FAM210A: variants seen among roughly 807,000 people sequenced by gnomAD.
The protein encoded by FAM210A is family with sequence similarity 210 member A.
A neutral mutation model predicts 25.3 loss-of-function variants in FAM210A; 13 were observed. The observed-to-expected ratio is 0.51, with a 90% CI of 0.33 to 0.82. FAM210A has a LOEUF of 0.82. FAM210A is among the 40% of genes least tolerant of loss of function. FAM210A has a pLI of 0.02. For missense variants in FAM210A, 319 were observed against 323.2 expected, an observed-to-expected ratio of 0.99 and a Z score of 0.10; for synonymous variants, 125 against 118.7, an observed-to-expected ratio of 1.05 and a Z score of -0.35.
chr18:13,722,974 G>A (rs1200754829), intron 1 of FAM210A, among the ~76,000 whole-genome samples: 1 of 152,016 alleles, frequency 6.6e-6, no homozygotes, highest in Non-Finnish European at 1.5e-5. Flanking sequence ...CTCCTGAGTA[G>A]CTGGGATCAT....
intron 2 of FAM210A, among the ~76,000 whole-genome samples, chr18:13,678,512 A>G (rs1400694188): frequency 6.6e-6 from 1 of 151,640 alleles, no homozygotes; most frequent in East Asian, 1.9e-4. Context: ...CTGGTCTCGA[A>G]CTCCTGACCT....
intron 1 of FAM210A, among the ~76,000 whole-genome samples, chr18:13,700,333 C>T (rs947193543): frequency 1.3e-5 from 2 of 152,228 alleles, no homozygotes; most frequent in Non-Finnish European, 2.9e-5. Flanking sequence ...TGCACTGGTG[C>T]ACTCTGGCCC....
chr18:13,713,753 C>CACACACACACA (rs1555791553), intron 1 of FAM210A, among the ~76,000 whole-genome samples: 1 of 151,734 alleles, frequency 6.6e-6, no homozygotes, highest in African/African-American at 2.4e-5. Flanking sequence ...CACACACACA[C>CACACACACACA]GTTTAGAGAC....
rs116207341 is a variant in FAM210A at position 13,668,594 on chromosome 18, C to T, written c.586-1881G>A. ...GCAGGTGAGTCACTTAATGGGGATA[C>T]GGTCTGAGAAATGTGTCATTAGGTG... On this transcript the variant is annotated intron_variant, in intron 3 of 3. Transcript: ENST00000651643. 3.9e-3 allele frequency among the ~76,000 whole-genome samples: 592 copies of T among 152,270 alleles called. 3 individuals carry two copies. Among genetic ancestry groups the T allele is most frequent in the African/African-American group, 0.013 (522 of 41,536 alleles).
At chr18:13,715,979 A>G (rs919860663) in intron 1 of FAM210A, among the ~76,000 whole-genome samples, 2 of 152,198 alleles carry the variant, frequency 1.3e-5, no homozygotes, top group Non-Finnish European at 2.9e-5. Context: ...AAAATGTTCT[A>G]TATCTGTGCT....
intron 1 of FAM210A, chr18:13,697,752 C>T (rs2043706339): frequency 6.6e-6 from 1 of 151,936 alleles, no homozygotes; most frequent in African/African-American, 2.4e-5. Context: ...ACTTATGCCC[C>T]CAAAAAACTG....
chr18:13,691,960 A>C (rs1448446027), intron 1 of FAM210A, among the ~76,000 whole-genome samples: 2 of 121,736 alleles, frequency 1.6e-5, no homozygotes, highest in Admixed American at 9.0e-5. Flanking sequence ...AGACTGGCAA[A>C]TTGGATAAAG....
chr18:13,673,729 C>T lies in FAM210A; in HGVS notation c.474-1756G>A, dbSNP rs113372644. On this transcript the variant is annotated intron_variant, in intron 2 of 3. Coordinates refer to ENST00000651643, the MANE Select transcript of FAM210A (RefSeq NM_152352.4). ...TTCCTGATTATTAACATTCCTGAGC[C>T]CCGACTTATTTCCAGTTCCCTGATT... is the stretch of plus-strand genomic sequence containing the variant. Among the ~76,000 whole-genome samples the T allele has an allele frequency of 3.0e-4, 45 of 149,396 alleles. 1 individual carries two copies. The highest frequency in any genetic ancestry group is 6.8e-4 in the African/African-American group (28 of 40,924).
intron 2 of FAM210A, among the ~76,000 whole-genome samples, chr18:13,676,689 T>C (rs1331493401): frequency 6.6e-6 from 1 of 152,256 alleles, no homozygotes; most frequent in Non-Finnish European, 1.5e-5. Context: ...ATGTCCTTTA[T>C]GGCTATTTTT....
intron 1 of FAM210A, among the ~76,000 whole-genome samples, chr18:13,725,681 CTCAGGTTGAAAG>C (rs2043936743): frequency 6.6e-6 from 1 of 152,162 alleles, no homozygotes; most frequent in African/African-American, 2.4e-5. Flanking sequence ...TGACCCTGAT[CTCAGGTTGAAAG>C]TCCTCAACTA....
intron 1 of FAM210A, among the ~76,000 whole-genome samples, chr18:13,685,840 T>G (rs571865063): frequency 6.6e-6 from 1 of 152,318 alleles, no homozygotes; most frequent in Admixed American, 6.5e-5. Context: ...GTTTGACTCT[T>G]TTATCAACAG....
chr18:13,666,456 T>C lies in FAM210A; in HGVS notation c.*24A>G, dbSNP rs201929526. On this transcript the variant is annotated 3_prime_UTR_variant, in exon 4 of 4. Coordinates refer to ENST00000651643, the MANE Select transcript of FAM210A (RefSeq NM_152352.4). ...TCCAAAGGGTTAAAGTGCAGGAATT[T>C]TCTATACTGCTATATAAGGCACCTT... 6.3e-7 allele frequency: 1 copy of C among 1,582,808 alleles called. No individual in the cohort carries two copies. Among genetic ancestry groups the C allele is most frequent in the African/African-American group, 1.3e-5 (1 of 74,096 alleles).
chr18:13,723,275 T>G (rs1291865511), intron 1 of FAM210A, among the ~76,000 whole-genome samples: 2 of 152,196 alleles, frequency 1.3e-5, no homozygotes, highest in African/African-American at 4.8e-5. Context: ...AGAAAACTCA[T>G]CCTTAAGATT....
In FAM210A at chr18:13,671,971, C is replaced by A; in HGVS notation, c.476G>T (p.Gly159Val). 1 of 1,590,386 alleles carries A rather than the reference C, an allele frequency of 6.3e-7. No homozygotes were observed. Among genetic ancestry groups the A allele is most frequent in the South Asian group, 1.1e-5 (1 of 88,240 alleles). Residue 159 changes from glycine to valine, a missense_variant and splice_region_variant, in exon 3 of 4, where the codon GGA (glycine) becomes GTA (valine). Gly to Val is a moderately radical substitution (Grantham distance 109, BLOSUM62 -3). Coordinates refer to ENST00000651643, the MANE Select transcript of FAM210A (RefSeq NM_152352.4). Reference sequence around the variant, plus strand: ...TTCTAGAAAAGGAACGACATTCACTCCTCTACAAAAAAAAAAAAGTAATTT... The same window carrying A: ...TTCTAGAAAAGGAACGACATTCACTACTCTACAAAAAAAAAAAAGTAATTT... Reference protein sequence around the residue: ...FGTFYYAALKGVNVVPFLELI... With the variant: ...FGTFYYAALKVVNVVPFLELI...
At chr18:13,680,318 C>A (rs183304364) in intron 2 of FAM210A, among the ~76,000 whole-genome samples, 53 of 152,114 alleles carry the variant, frequency 3.5e-4, no homozygotes, top group Non-Finnish European at 6.2e-4. Flanking sequence ...ATTAATAAAC[C>A]AAGAAACAAT....
chr18:13,713,091 C>T (rs1443405512), intron 1 of FAM210A, among the ~76,000 whole-genome samples: 1 of 152,226 alleles, frequency 6.6e-6, no homozygotes, highest in East Asian at 1.9e-4. Flanking sequence ...CTTATCTCTA[C>T]TTACAAGTTT....
intron 3 of FAM210A, among the ~76,000 whole-genome samples, chr18:13,670,001 G>A (rs938112818): frequency 2.0e-5 from 3 of 152,190 alleles, no homozygotes; most frequent in African/African-American, 7.2e-5. Flanking sequence ...GAGGAATAGT[G>A]AGGGGGAAGA....
At chr18:13,690,902 T>C (rs1249953080) in intron 1 of FAM210A, among the ~76,000 whole-genome samples, 1 of 152,190 alleles carries the variant, frequency 6.6e-6, no homozygotes, top group Non-Finnish European at 1.5e-5. Flanking sequence ...GGACGGAGAA[T>C]GACTTTGACA....
chr18:13,705,384 A>G (rs1370820059), intron 1 of FAM210A, among the ~76,000 whole-genome samples: 1 of 152,230 alleles, frequency 6.6e-6, no homozygotes, highest in African/African-American at 2.4e-5. Flanking sequence ...TTTTGTTACT[A>G]AAAGTTATGC....
Sources: gnomAD v4.1 joint callset for allele counts (sites outside exome capture counted in the v4.1 genomes callset) on GRCh38, gnomAD v4.1.1 for gene constraint, MANE v1.5 for transcripts, NCBI Gene and HGNC (gene_info 2026-07-23, HGNC 2026-07-21) for gene names.